Variants in CNTNAP2 observed in about 807,000 individuals in gnomAD.
The protein encoded by CNTNAP2 is contactin associated protein 2.
CNTNAP2 carries 98 observed loss-of-function variants against 155.2 expected under a neutral mutation model. The observed-to-expected ratio is 0.63, with a 90% CI of 0.54 to 0.75. CNTNAP2 has a LOEUF of 0.75. CNTNAP2 is among the 30% of genes least tolerant of loss of function. The pLI, the probability that CNTNAP2 is intolerant of heterozygous loss-of-function variation, is 0.00. For missense variants in CNTNAP2, 1,727 were observed against 1,688.1 expected (o/e 1.02, Z -0.40); for synonymous variants, 651 against 631.2 (o/e 1.03, Z -0.47).
intron 14 of CNTNAP2, among the ~76,000 whole-genome samples, chr7:147,904,795 T>C (rs1052734733): frequency 6.6e-6 from 1 of 152,236 alleles, no homozygotes; most frequent in African/African-American, 2.4e-5. Context: ...TGTGTGTATA[T>C]GTGTGTAAAA....
chr7:147,264,103 G>A (rs907226613), intron 8 of CNTNAP2, among the ~76,000 whole-genome samples: 5 of 152,130 alleles, frequency 3.3e-5, no homozygotes, highest in Admixed American at 3.3e-4. Context: ...AACAGATATG[G>A]GGTAAACTTA....
intron 15 of CNTNAP2, among the ~76,000 whole-genome samples, chr7:148,062,292 A>G (rs974567726): frequency 6.6e-6 from 1 of 152,168 alleles, no homozygotes; most frequent in African/African-American, 2.4e-5. Context: ...AAACCTTTTT[A>G]GAAGGTAGAA....
At chr7:148,152,760 C>A (rs1805320474) in intron 17 of CNTNAP2, among the ~76,000 whole-genome samples, 1 of 152,132 alleles carries the variant, frequency 6.6e-6, no homozygotes, top group African/African-American at 2.4e-5. Context: ...GCGGCTCACG[C>A]CTGTAATCCC....
chr7:148,300,626 A>G (rs2116498393), intron 21 of CNTNAP2, among the ~76,000 whole-genome samples: 1 of 151,870 alleles, frequency 6.6e-6, no homozygotes, highest in South Asian at 2.1e-4. Flanking sequence ...TTGTACACCA[A>G]TGTTCATAGC....
chr7:148,228,837 A>AAAAAAC (rs1222211437), intron 19 of CNTNAP2, among the ~76,000 whole-genome samples: 1 of 151,768 alleles, frequency 6.6e-6, no homozygotes, highest in Non-Finnish European at 1.5e-5. Context: ...CAAAAAAAAA[A>AAAAAAC]AAAAAACTAT....
chr7:148,229,607 G>A (rs1795922603), intron 19 of CNTNAP2, 39 bp from the exon 20 acceptor site: 1 of 1,612,738 alleles, frequency 6.2e-7, no homozygotes, highest in Non-Finnish European at 8.5e-7. Flanking sequence ...ATGAAATTTA[G>A]GGCAAACAAA....
chr7:148,366,268 G>T (rs1303150888), intron 21 of CNTNAP2, among the ~76,000 whole-genome samples: 1 of 131,544 alleles, frequency 7.6e-6, no homozygotes, highest in African/African-American at 2.7e-5. Flanking sequence ...GTGTATATGT[G>T]TACATGTATA....
chr7:146,848,323 C>T (rs533334655), intron 3 of CNTNAP2, among the ~76,000 whole-genome samples: 21 of 152,118 alleles, frequency 1.4e-4, no homozygotes, highest in Non-Finnish European at 2.5e-4. Flanking sequence ...ATTTACAGTG[C>T]AAATTGCAGA....
chr7:146,518,891 G>A lies in CNTNAP2; in HGVS notation c.98-255380G>A, dbSNP rs528047303. 8.9e-4 allele frequency among the ~76,000 whole-genome samples: 135 copies of A among 151,952 alleles called. 1 individual carries two copies. The highest frequency in any genetic ancestry group is 1.6e-3 in the Non-Finnish European group (109 of 67,854). ...GTTGGGAAGACAAGACCACATGTTG[G>A]TGCTTTTGTGATTTTTGCATGCTGT... On this transcript the variant is annotated intron_variant, in intron 1 of 23. Transcript: ENST00000361727.
At chr7:146,761,329 G>GGAAA (rs765878842) in intron 1 of CNTNAP2, among the ~76,000 whole-genome samples, 2,481 of 140,838 alleles carry the variant, frequency 0.018, 29 homozygotes, top group Non-Finnish European at 0.028. Flanking sequence ...AAGGAAGGAA[G>GGAAA]GAAGGAAAAT....
chr7:148,390,501 C>T (rs530628479), intron 22 of CNTNAP2, among the ~76,000 whole-genome samples: 118 of 152,242 alleles, frequency 7.8e-4, no homozygotes, highest in African/African-American at 1.5e-3. Context: ...AGTAAGGAAT[C>T]ATATGGCCTT....
chr7:146,377,386 T>C (rs560083317), intron 1 of CNTNAP2, among the ~76,000 whole-genome samples: 2 of 152,320 alleles, frequency 1.3e-5, no homozygotes, highest in African/African-American at 4.8e-5. Context: ...ACCTGCTGAG[T>C]GTCTAGGTTT....
rs138586678 is a variant in CNTNAP2 at position 147,001,484 on chromosome 7, A to T, written c.403-42423A>T. On this transcript the variant is annotated intron_variant, in intron 3 of 23. Coordinates refer to ENST00000361727, the MANE Select transcript of CNTNAP2 (RefSeq NM_014141.6). ...TATTGGTTTAAAGAAATTACCATAGATCTTAATATAGAGAAAATCATAATT... is the reference window on the plus strand; with the variant it reads ...TATTGGTTTAAAGAAATTACCATAGTTCTTAATATAGAGAAAATCATAATT... 7.1e-3 allele frequency among the ~76,000 whole-genome samples: 1,078 copies of T among 152,212 alleles called. 9 individuals are homozygous for T. Among genetic ancestry groups the T allele is most frequent in the African/African-American group, 0.025 (1,026 of 41,556 alleles).
At chr7:146,662,293 A>G (rs1366408994) in intron 1 of CNTNAP2, among the ~76,000 whole-genome samples, 1 of 152,064 alleles carries the variant, frequency 6.6e-6, no homozygotes, top group Non-Finnish European at 1.5e-5. Flanking sequence ...GCCCGCCACC[A>G]CGCCTGGCTA....
chr7:146,164,258 C>T (rs1308981156), intron 1 of CNTNAP2, among the ~76,000 whole-genome samples: 4 of 138,474 alleles, frequency 2.9e-5, no homozygotes, highest in African/African-American at 8.8e-5. Context: ...CTTCATTAAA[C>T]ACACACTAAA....
intron 12 of CNTNAP2, among the ~76,000 whole-genome samples, chr7:147,611,237 T>C (rs1167828411): frequency 6.6e-6 from 1 of 152,126 alleles, no homozygotes; most frequent in Non-Finnish European, 1.5e-5. Flanking sequence ...GAATTCAAGA[T>C]CAAAATCTAA....
At chr7:147,076,551 G>A (rs1020207741) in intron 4 of CNTNAP2, among the ~76,000 whole-genome samples, 6 of 152,196 alleles carry the variant, frequency 3.9e-5, no homozygotes, top group Non-Finnish European at 8.8e-5. Context: ...CAGATGGGTA[G>A]TATTTTTAAG....
At chr7:147,023,379 T>C (rs1009288880) in intron 3 of CNTNAP2, among the ~76,000 whole-genome samples, 21 of 152,230 alleles carry the variant, frequency 1.4e-4, no homozygotes, top group Non-Finnish European at 7.3e-5. Context: ...ATTTTTATTG[T>C]GCAATGATTA....
chr7:148,258,846 C>T (rs951203149), intron 20 of CNTNAP2, among the ~76,000 whole-genome samples: 4 of 151,800 alleles, frequency 2.6e-5, no homozygotes, highest in African/African-American at 9.7e-5. Context: ...GCCTGGACAA[C>T]ATAGTGAGAC....
Sources: allele counts gnomAD v4.1 joint callset (sites outside exome capture counted in the v4.1 genomes callset), GRCh38; gene constraint gnomAD v4.1.1; transcripts MANE v1.5; gene names NCBI Gene and HGNC (gene_info 2026-07-23, HGNC 2026-07-21).